R3HDM1: variants seen among roughly 807,000 people sequenced by gnomAD.
R3HDM1 encodes the protein R3H domain-containing protein 1.
R3HDM1 carries 46 observed loss-of-function variants against 141.1 expected under a neutral mutation model. That is an observed-to-expected ratio of 0.33 (90% CI 0.26 to 0.42). R3HDM1 has a LOEUF of 0.42. Among genes scored for constraint, R3HDM1 ranks in the 10% least tolerant of loss-of-function variants. R3HDM1 has a pLI of 1.00. For synonymous variants in R3HDM1, 435 were observed against 472.9 expected, an observed-to-expected ratio of 0.92 and a Z score of 1.04; for missense variants, 1,184 against 1,368.3, an observed-to-expected ratio of 0.87 and a Z score of 2.12.
intron 3 of R3HDM1, among the ~76,000 whole-genome samples, chr2:135,613,371 G>T (rs531062592): frequency 6.6e-6 from 1 of 152,004 alleles, no homozygotes; most frequent in Admixed American, 6.6e-5. Context: ...ACGATATGTC[G>T]AGTCCTTCTC....
chr2:135,640,711 C>A (rs1460555259), intron 14 of R3HDM1, among the ~76,000 whole-genome samples: 1 of 152,136 alleles, frequency 6.6e-6, no homozygotes, highest in Non-Finnish European at 1.5e-5. Context: ...AGAGTCAATT[C>A]TCTTATTCAA....
chr2:135,687,912 T>C (rs1162259259), intron 21 of R3HDM1, among the ~76,000 whole-genome samples: 1 of 152,222 alleles, frequency 6.6e-6, no homozygotes, highest in African/African-American at 2.4e-5. Context: ...AAGAAAAATA[T>C]GTGTAGCAGA....
chr2:135,698,326 A>T (rs1028713436), intron 21 of R3HDM1, among the ~76,000 whole-genome samples: 1 of 151,320 alleles, frequency 6.6e-6, no homozygotes, highest in African/African-American at 2.4e-5. Context: ...CGCCCAGCTA[A>T]TTTTTTGTAT....
At chr2:135,597,783 T>C (rs2059315147) in intron 1 of R3HDM1, among the ~76,000 whole-genome samples, 2 of 152,168 alleles carry the variant, frequency 1.3e-5, no homozygotes, top group African/African-American at 4.8e-5. Context: ...AAGAATATTT[T>C]TACCTATAGG....
chr2:135,586,947 T>C (rs1708077732), intron 1 of R3HDM1: 4 of 985,238 alleles, frequency 4.1e-6, no homozygotes, highest in Middle Eastern at 5.2e-4. Context: ...AATGAGACTT[T>C]TGGAAATTAA....
At chr2:135,657,174 G>A (rs2066016862) in intron 18 of R3HDM1, among the ~76,000 whole-genome samples, 1 of 150,460 alleles carries the variant, frequency 6.6e-6, no homozygotes, top group South Asian at 2.1e-4. Context: ...AGGCTGAGAT[G>A]TACGGATCAC....
intron 3 of R3HDM1, among the ~76,000 whole-genome samples, chr2:135,613,188 C>T (rs1246027927): frequency 3.9e-5 from 6 of 152,252 alleles, no homozygotes; most frequent in South Asian, 2.1e-4. Context: ...CTTTTCTGAA[C>T]GCTTTGGGAA....
chr2:135,557,509 G>T (rs1366564194), intron 1 of R3HDM1, among the ~76,000 whole-genome samples: 2 of 152,158 alleles, frequency 1.3e-5, no homozygotes, highest in African/African-American at 2.4e-5. Context: ...GTCTCAGATG[G>T]TGTAATCCGA....
intron 1 of R3HDM1, chr2:135,533,861 G>A (rs540763119): frequency 7.5e-5 from 35 of 465,754 alleles, no homozygotes; most frequent in African/African-American, 4.4e-4. Flanking sequence ...CAACAAGAGC[G>A]AAACTCCATC....
Position 135,568,676 on chromosome 2 carries a change from AAT to A in R3HDM1, c.-249-33822_-249-33821del, listed in dbSNP as rs1363491819. The A allele has an allele frequency of 1.3e-5, 2 of 152,178 alleles. 1 individual carries two copies. The highest frequency in any genetic ancestry group is 2.9e-5 in the Non-Finnish European group (2 of 68,038). The allele number at this position is 152,178 out of a possible 1,614,324, so 9.4% of individuals were successfully genotyped here. A position where few individuals can be genotyped will look rare whatever the true frequency, so the allele number is the denominator to read the frequency against. Reference sequence around the variant, plus strand: ...TGGCCACAGTTTTTTTAACCTTTGAAATAGAGTTAGTATTCATACAAGTTTAA... The same window carrying A: ...TGGCCACAGTTTTTTTAACCTTTGAAAGAGTTAGTATTCATACAAGTTTAA... On this transcript the variant is annotated intron_variant, in intron 1 of 26. Transcript: ENST00000683871.
intron 1 of R3HDM1, among the ~76,000 whole-genome samples, chr2:135,579,226 G>A (rs1256247573): frequency 6.6e-6 from 1 of 152,216 alleles, no homozygotes; most frequent in African/African-American, 2.4e-5. Context: ...CATGTTGAAA[G>A]GACAACAGGA....
At chr2:135,549,674 A>C (rs947626630) in intron 1 of R3HDM1, among the ~76,000 whole-genome samples, 1 of 151,946 alleles carries the variant, frequency 6.6e-6, no homozygotes, top group African/African-American at 2.4e-5. Flanking sequence ...CTTTTATATG[A>C]TATATTCACA....
intron 1 of R3HDM1, among the ~76,000 whole-genome samples, chr2:135,595,854 CACTTTCCATCAAA>C (rs1378718814): frequency 3.3e-5 from 5 of 152,176 alleles, no homozygotes; most frequent in African/African-American, 1.2e-4. Flanking sequence ...AAACCCTAGT[CACTTTCCATCAAA>C]ACTTTCATTT....
chr2:135,670,251 A>G (rs2068141287), intron 19 of R3HDM1: 2 of 875,384 alleles, frequency 2.3e-6, no homozygotes, highest in South Asian at 1.1e-4. Context: ...ATAATTTTAA[A>G]TTATATTTTA....
intron 21 of R3HDM1, among the ~76,000 whole-genome samples, chr2:135,682,291 G>C (rs373605635): frequency 6.6e-6 from 1 of 152,016 alleles, no homozygotes; most frequent in East Asian, 1.9e-4. Flanking sequence ...ACTGGGAAGA[G>C]GGGCTTTCAT....
At position 135,531,616 on chromosome 2, in the gene R3HDM1, TC is replaced by T; in HGVS notation, c.-265del. On this transcript the variant is annotated 5_prime_UTR_variant, in exon 1 of 27. It removes the in-frame stop codon of an upstream open reading frame in the 5' UTR. Coordinates refer to ENST00000683871, the MANE Select transcript of R3HDM1 (RefSeq NM_001378107.1). ...GCCGCGCCGCGCTCCAACCGCCTCC[TC>T]CTCCTCAGTAACGCGGGTAAGAGAT... 1 of 986,854 alleles carries T rather than the reference TC, an allele frequency of 1.0e-6. No homozygotes were observed. The allele number at this position is 986,854 out of a possible 1,614,324, so 61.1% of individuals were successfully genotyped here. A position where few individuals can be genotyped will look rare whatever the true frequency, so the allele number is the denominator to read the frequency against.
chr2:135,577,257 A>T, intron 1 of R3HDM1: 1 of 968,326 alleles, frequency 1.0e-6, no homozygotes, highest in Non-Finnish European at 1.2e-6. Flanking sequence ...ACATGAAAAA[A>T]AGTCAAAAAC....
chr2:135,600,894 A>G (rs1448961244), intron 1 of R3HDM1, among the ~76,000 whole-genome samples: 2 of 152,122 alleles, frequency 1.3e-5, no homozygotes. Context: ...GAACCTTGGG[A>G]TCCTAAGAGG....
intron 19 of R3HDM1, among the ~76,000 whole-genome samples, chr2:135,671,802 C>G (rs1048705144): frequency 6.6e-6 from 1 of 151,796 alleles, no homozygotes; most frequent in Non-Finnish European, 1.5e-5. Flanking sequence ...ATGGTGAAAC[C>G]CTGTCTATAC....
Sources: gnomAD v4.1 joint callset for allele counts (sites outside exome capture counted in the v4.1 genomes callset) on GRCh38, gnomAD v4.1.1 for gene constraint, MANE v1.5 for transcripts, NCBI Gene and HGNC (gene_info 2026-07-23, HGNC 2026-07-21) for gene names.